Variants in NEDD4 observed in about 807,000 individuals in gnomAD.
NEDD4 encodes the protein E3 ubiquitin-protein ligase NEDD4.
NEDD4 carries 99 observed loss-of-function variants against 144.9 expected under a neutral mutation model. The ratio of observed to expected loss-of-function variants is 0.68; its 90% CI spans 0.58 to 0.81. The LOEUF (loss-of-function observed/expected upper bound fraction) is 0.81, where lower values mean the gene tolerates loss of function less well. Ranked by LOEUF, NEDD4 falls within the 30% of genes least tolerant of loss-of-function variation. NEDD4 has a pLI of 0.00. For synonymous variants in NEDD4, 318 were observed against 350.6 expected, an observed-to-expected ratio of 0.91 and a Z score of 1.04; for missense variants, 985 against 1,065.9, an observed-to-expected ratio of 0.92 and a Z score of 1.06.
Position 55,869,670 on chromosome 15 carries a change from C to T in NEDD4, c.416G>A (p.Arg139Lys). 1 of 1,545,124 alleles carries T rather than the reference C, an allele frequency of 6.5e-7. No homozygotes were observed. The highest frequency in any genetic ancestry group is 8.8e-7 in the Non-Finnish European group (1 of 1,137,104). Residue 139 changes from arginine to lysine, a missense_variant, in exon 8 of 29, where the codon AGA becomes AAA. Coordinates refer to ENST00000435532, the MANE Select transcript of NEDD4 (RefSeq NM_006154.4). The stretch of plus-strand genomic sequence containing the variant: ...TTTTAGTCTCAGATAACCTTTAACT[C>T]TTGATTTGTGACTGTAGAAAAGAAA... Reference protein sequence around the residue: ...FVLHPRSHKSRVKGYLRLKMT... With the variant: ...FVLHPRSHKSKVKGYLRLKMT...
intron 1 of NEDD4, among the ~76,000 whole-genome samples, chr15:55,983,417 CGTT>C (rs1283035166): frequency 2.6e-5 from 4 of 152,134 alleles, no homozygotes; most frequent in Non-Finnish European, 4.4e-5. Flanking sequence ...CATCTGCTGA[CGTT>C]GTGCCTCTTG....
chr15:55,929,925 G>C (rs1204664648), intron 4 of NEDD4, among the ~76,000 whole-genome samples: 10 of 151,904 alleles, frequency 6.6e-5, no homozygotes, highest in Non-Finnish European at 1.0e-4. Flanking sequence ...AAGAAGTGCT[G>C]GAATGAAAAA....
At chr15:55,984,190 T>C (rs72734397) in intron 1 of NEDD4, among the ~76,000 whole-genome samples, 1 of 152,106 alleles carries the variant, frequency 6.6e-6, no homozygotes, top group African/African-American at 2.4e-5. Flanking sequence ...CAATTACAAG[T>C]TAATTTTGCA....
At chr15:55,936,924 T>C (rs1376747329) in intron 4 of NEDD4, among the ~76,000 whole-genome samples, 5 of 152,006 alleles carry the variant, frequency 3.3e-5, no homozygotes, top group Non-Finnish European at 7.4e-5. Context: ...TCTTGAGTAG[T>C]TGGGATTACA....
chr15:55,964,104 T>C (rs58047840), intron 2 of NEDD4, among the ~76,000 whole-genome samples: 2,803 of 152,262 alleles, frequency 0.018, 92 homozygotes, highest in African/African-American at 0.065. Flanking sequence ...ATGTTTATTA[T>C]CCTGCTTGGT....
chr15:55,859,321 A>G (rs545145771), intron 11 of NEDD4, among the ~76,000 whole-genome samples: 1 of 152,298 alleles, frequency 6.6e-6, no homozygotes, highest in East Asian at 1.9e-4. Context: ...TGAAGTGAAA[A>G]TGTCATCTAT....
intron 1 of NEDD4, among the ~76,000 whole-genome samples, chr15:55,986,539 C>A (rs1478028664): frequency 6.6e-6 from 1 of 150,454 alleles, no homozygotes; most frequent in Admixed American, 6.6e-5. Context: ...CCCAAACAGA[C>A]CCAAAATGAG....
chr15:55,929,607 G>C (rs1246703721), intron 4 of NEDD4, among the ~76,000 whole-genome samples: 5 of 152,018 alleles, frequency 3.3e-5, no homozygotes, highest in African/African-American at 1.2e-4. Context: ...GTTCCTGTAA[G>C]CATCAGTTTT....
At chr15:55,948,150 A>G (rs993610416) in intron 4 of NEDD4, among the ~76,000 whole-genome samples, 1 of 152,196 alleles carries the variant, frequency 6.6e-6, no homozygotes, top group African/African-American at 2.4e-5. Flanking sequence ...ATTCTTATAC[A>G]TCAATTACAG....
intron 5 of NEDD4, among the ~76,000 whole-genome samples, chr15:55,912,026 GA>G (rs2036292060): frequency 6.6e-6 from 1 of 152,166 alleles, no homozygotes; most frequent in Non-Finnish European, 1.5e-5. Context: ...TCAGCACTCT[GA>G]ATCTGTCTGA....
rs897388754 is a variant in NEDD4 at position 55,869,466 on chromosome 15, A to G, written c.507+113T>C. The G allele has an allele frequency of 4.3e-5, 27 of 626,192 alleles. No individual in the cohort carries two copies. The Admixed American group carries it at 7.7e-4, about 18-fold the overall frequency. 38.8% of individuals were successfully genotyped at this position (626,192 alleles called of 1,614,324 possible). ...GCTTGGGTGAAATAAACATCCAAGT[A>G]AATAATCTTCATTGCACATGTTAAC... On this transcript the variant is annotated intron_variant, in intron 8 of 28. Transcript: ENST00000435532.
chr15:55,903,448 C>T (rs2035976015), intron 5 of NEDD4, among the ~76,000 whole-genome samples: 1 of 152,154 alleles, frequency 6.6e-6, no homozygotes, highest in South Asian at 2.1e-4. Context: ...GATATAATCA[C>T]TATCTCAGAC....
intron 5 of NEDD4, among the ~76,000 whole-genome samples, chr15:55,878,750 C>T (rs919075972): frequency 4.6e-5 from 7 of 152,220 alleles, no homozygotes; most frequent in Admixed American, 4.6e-4. Context: ...TAGAATTACT[C>T]AGCGATGAAA....
chr15:55,912,787 CAA>C (rs796238846), intron 5 of NEDD4, among the ~76,000 whole-genome samples: 8 of 152,160 alleles, frequency 5.3e-5, no homozygotes, highest in African/African-American at 1.7e-4. Context: ...ATTTTCAGAT[CAA>C]AAGTCATTAT....
In NEDD4 at chr15:55,850,681, G is replaced by C; in HGVS notation, c.1208C>G (p.Ala403Gly). The stretch of plus-strand genomic sequence containing the variant: ...CTGCTGGCCTGAATCACTGGTGGAG[G>C]CTTGTGATTGAGGGCCTGCAGAACT... ...SQSSAGPQSQ[A>G]STSDSGQQVT... The change falls in exon 14 of 29, where the codon GCC becomes GGC. Residue 403 changes from alanine to glycine, a missense_variant. Transcript: ENST00000435532. 2 of 1,614,104 alleles carry C rather than the reference G, an allele frequency of 1.2e-6. No individual in the cohort carries two copies. The highest frequency in any genetic ancestry group is 2.7e-5 in the African/African-American group (2 of 75,050).
intron 1 of NEDD4, among the ~76,000 whole-genome samples, chr15:55,990,654 C>G (rs971775716): frequency 4.6e-5 from 7 of 152,132 alleles, no homozygotes; most frequent in African/African-American, 1.7e-4. Flanking sequence ...AACTGGGGAG[C>G]CTACTTTGGA....
chr15:55,920,392 T>C (rs1475807778), intron 5 of NEDD4, among the ~76,000 whole-genome samples: 1 of 152,146 alleles, frequency 6.6e-6, no homozygotes, highest in East Asian at 1.9e-4. Context: ...CAGGTGTATA[T>C]CTTAGACTGG....
At chr15:55,930,544 A>C (rs1454058881) in intron 4 of NEDD4, among the ~76,000 whole-genome samples, 1 of 152,234 alleles carries the variant, frequency 6.6e-6, no homozygotes, top group Non-Finnish European at 1.5e-5. Context: ...AAAATTATTG[A>C]AGAAATTATT....
At chr15:55,863,499 T>C (rs557397344) in intron 8 of NEDD4, among the ~76,000 whole-genome samples, 10 of 152,346 alleles carry the variant, frequency 6.6e-5, no homozygotes, top group Non-Finnish European at 1.0e-4. Context: ...TAGCCTGATT[T>C]AATCATTTTG....
Sources: gnomAD v4.1 joint callset for allele counts (sites outside exome capture counted in the v4.1 genomes callset) on GRCh38, gnomAD v4.1.1 for gene constraint, MANE v1.5 for transcripts, NCBI Gene and HGNC (gene_info 2026-07-23, HGNC 2026-07-21) for gene names.